UBE2E2: variants seen among roughly 807,000 people sequenced by gnomAD.
The protein encoded by UBE2E2 is ubiquitin conjugating enzyme E2 E2, also known as ubiquitin-conjugating enzyme E2 E2.
In UBE2E2, 6 loss-of-function variants were observed where a neutral mutation model predicts 24.7. The observed-to-expected ratio is 0.24, with a 90% CI of 0.13 to 0.48. The LOEUF is 0.48. UBE2E2 is among the 20% of genes least tolerant of loss of function. The pLI is 0.99. For synonymous variants in UBE2E2, 104 were observed against 83.6 expected, an observed-to-expected ratio of 1.24 and a Z score of -1.33; for missense variants, 169 against 245.0, an observed-to-expected ratio of 0.69 and a Z score of 2.07.
intron 5 of UBE2E2, among the ~76,000 whole-genome samples, chr3:23,570,641 A>G (rs1235643927): frequency 2.0e-4 from 30 of 152,168 alleles, no homozygotes; most frequent in Admixed American, 1.9e-3. Flanking sequence ...ATATTTGCCA[A>G]ACTCTTTCCT....
At chr3:23,495,227 A>C (rs1699576796) in intron 3 of UBE2E2, among the ~76,000 whole-genome samples, 1 of 152,314 alleles carries the variant, frequency 6.6e-6, no homozygotes, top group African/African-American at 2.4e-5. Flanking sequence ...ACTGACTTCA[A>C]AGAACCAATA....
At chr3:23,347,257 T>C (rs561646782) in intron 3 of UBE2E2, among the ~76,000 whole-genome samples, 6 of 152,358 alleles carry the variant, frequency 3.9e-5, no homozygotes, top group African/African-American at 1.4e-4. Context: ...TGCACACATA[T>C]GTTTATTGTG....
intron 3 of UBE2E2, among the ~76,000 whole-genome samples, chr3:23,355,913 A>G (rs959135719): frequency 1.3e-5 from 2 of 152,250 alleles, no homozygotes; most frequent in African/African-American, 4.8e-5. Flanking sequence ...TACGTAAATC[A>G]TCTAAGACTT....
intron 5 of UBE2E2, among the ~76,000 whole-genome samples, chr3:23,567,434 G>A (rs184550298): frequency 6.6e-6 from 1 of 152,292 alleles, no homozygotes; most frequent in Non-Finnish European, 1.5e-5. Context: ...CAGACTAAAT[G>A]TAAGAATCTT....
intron 3 of UBE2E2, among the ~76,000 whole-genome samples, chr3:23,490,764 C>A (rs1408549163): frequency 6.6e-6 from 1 of 152,054 alleles, no homozygotes; most frequent in Non-Finnish European, 1.5e-5. Flanking sequence ...TTAAAATATT[C>A]TTTTTCTTCT....
At chr3:23,367,960 G>A (rs890270412) in intron 3 of UBE2E2, among the ~76,000 whole-genome samples, 1 of 152,152 alleles carries the variant, frequency 6.6e-6, no homozygotes, top group South Asian at 2.1e-4. Context: ...GTTGATTTTT[G>A]TTGTGGTGTG....
chr3:23,260,937 C>T (rs1216692148), intron 3 of UBE2E2, among the ~76,000 whole-genome samples: 2 of 151,990 alleles, frequency 1.3e-5, no homozygotes, highest in African/African-American at 4.8e-5. Flanking sequence ...AACGCTGTCT[C>T]TAAAAAAATA....
chr3:23,529,169 G>T (rs780668559), intron 4 of UBE2E2, among the ~76,000 whole-genome samples: 12 of 152,172 alleles, frequency 7.9e-5, no homozygotes, highest in Non-Finnish European at 1.5e-4. Context: ...TATGGCTATC[G>T]CAGGGTACCA....
At chr3:23,510,571 C>T (rs1694572745) in intron 4 of UBE2E2, among the ~76,000 whole-genome samples, 2 of 151,822 alleles carry the variant, frequency 1.3e-5, no homozygotes, top group Non-Finnish European at 2.9e-5. Flanking sequence ...CATGCCACTG[C>T]ACTCCAGCCT....
Position 23,531,026 on chromosome 3 carries a change from G to T in UBE2E2, c.361-1528G>T, listed in dbSNP as rs140713290. Among the ~76,000 whole-genome samples, 16 of 152,294 alleles carry T rather than the reference G, an allele frequency of 1.1e-4. 1 individual carries two copies. In the East Asian group the frequency reaches 2.7e-3, roughly 26 times the overall value. On this transcript the variant is annotated intron_variant, in intron 4 of 5. Transcript: ENST00000396703. ...TTCTTCAACATTTCTAGGCATTTAA[G>T]ATGTGTATGTAGGTGTCATGGATTA...
At chr3:23,588,811 T>TA (rs1696691900) in intron 5 of UBE2E2, among the ~76,000 whole-genome samples, 1 of 152,204 alleles carries the variant, frequency 6.6e-6, no homozygotes. Context: ...ATTAACATAT[T>TA]AGAGTTTTAG....
intron 3 of UBE2E2, among the ~76,000 whole-genome samples, chr3:23,363,393 C>G (rs1255625457): frequency 2.0e-5 from 3 of 152,156 alleles, no homozygotes; most frequent in East Asian, 3.8e-4. Flanking sequence ...TGTATCCTCT[C>G]TACAGGACTC....
chr3:23,404,180 G>T (rs1482447001), intron 3 of UBE2E2, among the ~76,000 whole-genome samples: 1 of 152,022 alleles, frequency 6.6e-6, no homozygotes, highest in Non-Finnish European at 1.5e-5. Flanking sequence ...AGTAATAAAT[G>T]TATTTATCAA....
At chr3:23,482,813 G>A (rs189331908) in intron 3 of UBE2E2, among the ~76,000 whole-genome samples, 2 of 152,308 alleles carry the variant, frequency 1.3e-5, no homozygotes, top group Admixed American at 1.3e-4. Flanking sequence ...ATCTCACTTA[G>A]TTGTCACTAA....
chr3:23,574,696 T>G (rs544909336), intron 5 of UBE2E2, among the ~76,000 whole-genome samples: 117 of 152,270 alleles, frequency 7.7e-4, no homozygotes, highest in African/African-American at 2.8e-3. Context: ...GCACTGCACT[T>G]CATCCTGGAC....
intron 3 of UBE2E2, among the ~76,000 whole-genome samples, chr3:23,300,514 A>G (rs1699043831): frequency 1.3e-5 from 2 of 152,114 alleles, no homozygotes; most frequent in African/African-American, 4.8e-5. Flanking sequence ...GCTTGTCTGT[A>G]AAGTATTTTA....
chr3:23,223,941 A>C (rs1696738679), intron 3 of UBE2E2, among the ~76,000 whole-genome samples: 1 of 152,160 alleles, frequency 6.6e-6, no homozygotes, highest in Non-Finnish European at 1.5e-5. Context: ...CCTTTGTCAA[A>C]GATAAGGTGG....
intron 1 of UBE2E2, among the ~76,000 whole-genome samples, chr3:23,207,573 A>T (rs938548830): frequency 6.6e-6 from 1 of 152,204 alleles, no homozygotes; most frequent in Non-Finnish European, 1.5e-5. Flanking sequence ...CACAAAGGTT[A>T]CTTAAAACCA....
At chr3:23,448,246 T>C (rs73041601) in intron 3 of UBE2E2, among the ~76,000 whole-genome samples, 18,445 of 152,168 alleles carry the variant, frequency 0.12, 1,242 homozygotes, top group Middle Eastern at 0.2. Context: ...AGCCTTCCAG[T>C]TCCACCCCTA....
Sources: gnomAD v4.1 joint callset for allele counts (sites outside exome capture counted in the v4.1 genomes callset) on GRCh38, gnomAD v4.1.1 for gene constraint, MANE v1.5 for transcripts, NCBI Gene and HGNC (gene_info 2026-07-23, HGNC 2026-07-21) for gene names.